COL21A1: variants seen among roughly 807,000 people sequenced by gnomAD.
COL21A1 encodes the protein collagen alpha-1(XXI) chain.
COL21A1 carries 149 observed loss-of-function variants against 137.9 expected under a neutral mutation model. The observed-to-expected ratio is 1.08, with a 90% CI of 0.95 to 1.24. The LOEUF (loss-of-function observed/expected upper bound fraction) is 1.24. COL21A1 is among the 50% of genes most tolerant of loss of function. The probability of loss-of-function intolerance (pLI) is 0.00; values close to 1 mark genes in which losing one functional copy is unlikely to be tolerated. For synonymous variants in COL21A1, 456 were observed against 391.5 expected, an observed-to-expected ratio of 1.16 and a Z score of -1.95; for missense variants, 1,167 against 1,158.4, an observed-to-expected ratio of 1.01 and a Z score of -0.11.
At chr6:56,098,674 TATAA>T in intron 17 of COL21A1, among the ~76,000 whole-genome samples, 1 of 76,550 alleles carries the variant, frequency 1.3e-5, no homozygotes, top group Non-Finnish European at 2.3e-5. Flanking sequence ...TAAATATATA[TATAA>T]ATATATATAA....
chr6:56,189,521 T>G (rs181402775), intron 1 of COL21A1, among the ~76,000 whole-genome samples: 134 of 152,188 alleles, frequency 8.8e-4, no homozygotes, highest in African/African-American at 2.9e-3. Flanking sequence ...ACAGGGAGAA[T>G]GGAACCAAGC....
chr6:56,171,025 C>T lies in COL21A1; in HGVS notation c.744G>A (p.Gln248=), dbSNP rs1369011132. 6.2e-6 allele frequency: 10 copies of T among 1,607,358 alleles called. No homozygotes were observed. The highest frequency in any genetic ancestry group is 7.6e-6 in the Non-Finnish European group (9 of 1,177,350). Residue 248 remains glutamine, a synonymous_variant, in exon 4 of 30, where the codon CAG becomes CAA. Transcript: ENST00000244728. ...DVNKKVKKRI[Q]LSPKKIKGYE... ...ATCCTTTTATCTTTTTTGGTGAAAG[C>T]TGTATTCTTTTCTTAACCTTTTTAT...
intron 1 of COL21A1, among the ~76,000 whole-genome samples, chr6:56,272,186 A>C (rs1453335283): frequency 6.6e-6 from 1 of 152,208 alleles, no homozygotes; most frequent in Admixed American, 6.5e-5. Context: ...ACACCAGCCC[A>C]AGAAAGCAGT....
chr6:56,321,952 C>T (rs1582779039), intron 1 of COL21A1, among the ~76,000 whole-genome samples: 1 of 152,114 alleles, frequency 6.6e-6, no homozygotes, highest in East Asian at 1.9e-4. Flanking sequence ...GTCATCTTCT[C>T]TTATTCTATG....
At chr6:56,337,177 C>A (rs945588089) in intron 1 of COL21A1, among the ~76,000 whole-genome samples, 1 of 152,204 alleles carries the variant, frequency 6.6e-6, no homozygotes, top group South Asian at 2.1e-4. Flanking sequence ...ATGTTGGACA[C>A]CCCTATTTTT....
intron 1 of COL21A1, among the ~76,000 whole-genome samples, chr6:56,241,550 T>C (rs1024151908): frequency 5.3e-5 from 8 of 152,158 alleles, no homozygotes; most frequent in African/African-American, 1.7e-4. Context: ...GTAAAAGAGC[T>C]GTAAAATGAT....
chr6:56,245,630 G>A (rs1389006822), intron 1 of COL21A1, among the ~76,000 whole-genome samples: 1 of 151,912 alleles, frequency 6.6e-6, no homozygotes, highest in African/African-American at 2.4e-5. Flanking sequence ...GAATTATGAG[G>A]TAAGTGTACT....
chr6:56,167,293 G>A (rs1776661011), intron 6 of COL21A1, among the ~76,000 whole-genome samples: 1 of 152,116 alleles, frequency 6.6e-6, no homozygotes, highest in South Asian at 2.1e-4. Context: ...ACACTTAAAA[G>A]TTTTCCCAGG....
chr6:56,147,033 T>G (rs1220871052), intron 10 of COL21A1, among the ~76,000 whole-genome samples: 1 of 152,154 alleles, frequency 6.6e-6, no homozygotes, highest in African/African-American at 2.4e-5. Context: ...ATTCACAGAA[T>G]TTAATTAAAC....
chr6:56,200,962 C>T (rs1352025346), intron 1 of COL21A1, among the ~76,000 whole-genome samples: 2 of 152,086 alleles, frequency 1.3e-5, no homozygotes, highest in Non-Finnish European at 2.9e-5. Flanking sequence ...CTCTCCAGCA[C>T]CTGTTGTTTC....
chr6:56,107,051 T>C (rs1376340588), intron 16 of COL21A1, among the ~76,000 whole-genome samples: 1 of 152,028 alleles, frequency 6.6e-6, no homozygotes, highest in Admixed American at 6.5e-5. Flanking sequence ...CCTCCGAAAG[T>C]GCTGGGATTA....
intron 12 of COL21A1, among the ~76,000 whole-genome samples, chr6:56,133,739 T>C (rs1451752444): frequency 6.6e-6 from 1 of 152,122 alleles, no homozygotes; most frequent in East Asian, 1.9e-4. Flanking sequence ...TACCCTACGT[T>C]CTAGCCACTC....
chr6:56,338,888 T>C (rs1157056672), intron 1 of COL21A1, among the ~76,000 whole-genome samples: 1 of 152,156 alleles, frequency 6.6e-6, no homozygotes, highest in Non-Finnish European at 1.5e-5. Context: ...GGTCCCATGA[T>C]GGTTGGGGTG....
intron 10 of COL21A1, among the ~76,000 whole-genome samples, chr6:56,145,408 A>G (rs1318776885): frequency 6.6e-6 from 1 of 152,188 alleles, no homozygotes; most frequent in Non-Finnish European, 1.5e-5. Context: ...AAGAAAACCA[A>G]ACAACATCCA....
intron 16 of COL21A1, among the ~76,000 whole-genome samples, chr6:56,121,510 G>GTATATATATATATACATATATA (rs1341719998): frequency 5.2e-5 from 6 of 115,336 alleles, no homozygotes; most frequent in Admixed American, 9.7e-5. Context: ...ATATTCATAT[G>GTATATATATATATACATATATA]TGTATATATA....
chr6:56,322,526 A>C (rs542332172), intron 1 of COL21A1, among the ~76,000 whole-genome samples: 30 of 152,224 alleles, frequency 2.0e-4, no homozygotes, highest in Middle Eastern at 6.8e-3. Flanking sequence ...TCATTGGCAA[A>C]AATGTGTTGA....
intron 17 of COL21A1, among the ~76,000 whole-genome samples, chr6:56,098,682 TATATAA>T (rs1770098269): frequency 1.1e-5 from 1 of 93,412 alleles, no homozygotes; most frequent in African/African-American, 4.3e-5. Context: ...TATATAAATA[TATATAA>T]ATATATAAAT....
intron 1 of COL21A1, among the ~76,000 whole-genome samples, chr6:56,263,191 G>C (rs1763321007): frequency 6.6e-6 from 1 of 152,158 alleles, no homozygotes; most frequent in South Asian, 2.1e-4. Context: ...GATACTTGTT[G>C]AATGAATGAA....
rs1009054391 is a variant in COL21A1, at chr6:56,068,347, C to T, written c.2091+699G>A. On this transcript the variant is annotated intron_variant, in intron 22 of 29. Coordinates refer to ENST00000244728, the MANE Select transcript of COL21A1 (RefSeq NM_030820.4). ...AAAAACCGATAGATTTACTTTTAAC[C>T]TGAAACATTTGTATTTGCAGTAGCA... is the stretch of plus-strand genomic sequence containing the variant. 2.6e-5 allele frequency among the ~76,000 whole-genome samples: 4 copies of T among 151,450 alleles called. No individual in the cohort carries two copies. The South Asian group carries it at 8.3e-4, about 31-fold the overall frequency.
Sources: allele counts gnomAD v4.1 joint callset (sites outside exome capture counted in the v4.1 genomes callset), GRCh38; gene constraint gnomAD v4.1.1; transcripts MANE v1.5; gene names NCBI Gene and HGNC (gene_info 2026-07-23, HGNC 2026-07-21).